The following FNIP2 variants were observed in gnomAD, a reference collection of about 807,000 sequenced individuals.
The protein encoded by FNIP2 is folliculin interacting protein 2, also known as folliculin-interacting protein 2.
In FNIP2, 32 loss-of-function variants were observed where a neutral mutation model predicts 108.7. That is an observed-to-expected ratio of 0.29 (90% CI 0.22 to 0.40). The LOEUF is 0.40. Ranked by LOEUF, FNIP2 falls within the 10% of genes least tolerant of loss-of-function variation. The probability of loss-of-function intolerance (pLI) is 1.00; values close to 1 mark genes in which losing one functional copy is unlikely to be tolerated. For synonymous variants in FNIP2, 480 were observed against 496.7 expected, an observed-to-expected ratio of 0.97 and a Z score of 0.45; for missense variants, 1,202 against 1,381.6, an observed-to-expected ratio of 0.87 and a Z score of 2.06.
Position 158,859,213 on chromosome 4 carries a change from CCT to C in FNIP2, c.1015_1016del (p.Leu339ValfsTer2). ...FQDFFFSHFPLFESHMNRLKS... is the reference protein window; with the variant it reads ...FQDFFFSHFPXFESHMNRLKS... Reference sequence around the variant, plus strand: ...AGGACTTCTTCTTTTCTCATTTTCCCCTGTTTGAATCTCACATGAACAGGCTG... The same window carrying C: ...AGGACTTCTTCTTTTCTCATTTTCCCGTTTGAATCTCACATGAACAGGCTG... On this transcript the variant is annotated frameshift_variant, in exon 9 of 17. Coordinates refer to ENST00000264433, the MANE Select transcript of FNIP2 (RefSeq NM_020840.3). LOFTEE classifies it high-confidence loss of function. 6.2e-7 allele frequency: 1 copy of C among 1,612,102 alleles called. No individual in the cohort carries two copies. The highest frequency in any genetic ancestry group is 8.5e-7 in the Non-Finnish European group (1 of 1,178,938).
chr4:158,773,705 T>G (rs772993149), intron 1 of FNIP2, among the ~76,000 whole-genome samples: 2 of 152,210 alleles, frequency 1.3e-5, no homozygotes, highest in Non-Finnish European at 2.9e-5. Context: ...CAGTGCTGAA[T>G]TGAACTGTTT....
intron 14 of FNIP2, among the ~76,000 whole-genome samples, chr4:158,881,713 G>C (rs1230698791): frequency 6.6e-6 from 1 of 151,700 alleles, no homozygotes; most frequent in African/African-American, 2.4e-5. Flanking sequence ...TCGGCCTCCC[G>C]AGGTGCTGGG....
intron 1 of FNIP2, among the ~76,000 whole-genome samples, chr4:158,781,758 C>A (rs576687250): frequency 1.6e-3 from 248 of 152,276 alleles, no homozygotes; most frequent in African/African-American, 5.5e-3. Flanking sequence ...TTCAAGTGAT[C>A]CGCCTGTCTT....
rs375671810 is a variant in FNIP2, at chr4:158,868,322, G to A, written c.1686G>A (p.Val562=). ...KIITALEKGE[V]EESEYVVITV... is the part of the protein sequence containing the mutation. ...TAACAGCCTTGGAGAAAGGAGAGGT[G>A]GAGGAGTCTGAGTATGTGGTCATTA... Residue 562 remains valine (V), a synonymous_variant, in exon 13 of 17, where the codon GTG becomes GTA. Coordinates refer to ENST00000264433, the MANE Select transcript of FNIP2 (RefSeq NM_020840.3). The surrounding 1 kb of genome is among the most constrained non-coding windows in gnomAD (Gnocchi z 4.6). 3.7e-6 allele frequency: 6 copies of A among 1,613,936 alleles called. No homozygotes were observed. The highest frequency in any genetic ancestry group is 1.7e-5 in the Admixed American group (1 of 60,012).
intron 14 of FNIP2, chr4:158,872,778 A>G (rs1781035379): frequency 1.0e-6 from 1 of 967,538 alleles, no homozygotes; most frequent in Non-Finnish European, 1.2e-6. Context: ...TTCAACATCC[A>G]TTTACAAACA....
intron 14 of FNIP2, among the ~76,000 whole-genome samples, chr4:158,878,715 A>C (rs540844516): frequency 6.6e-6 from 1 of 152,318 alleles, no homozygotes; most frequent in African/African-American, 2.4e-5. Context: ...GTGGAGGGCA[A>C]GCGCATACAA....
In FNIP2 at chr4:158,871,690, C is replaced by G. The variant is rs1020809284; in HGVS notation, c.2949+1221C>G. Reference sequence around the variant, plus strand: ...CCCTGCTTTGTGGTCACATGCCACCCCTCACCAGGATACTCCTGGGATGAA... The same window carrying G: ...CCCTGCTTTGTGGTCACATGCCACCGCTCACCAGGATACTCCTGGGATGAA... On this transcript the variant is annotated intron_variant, in intron 14 of 16. Transcript: ENST00000264433. 5 of 985,262 alleles carry G rather than the reference C, an allele frequency of 5.1e-6. No homozygotes were observed. In the African/African-American group the frequency reaches 8.7e-5, roughly 17 times the overall value. The allele number at this position is 985,262 out of a possible 1,614,324, so 61.0% of individuals were successfully genotyped here.
intron 6 of FNIP2, chr4:158,834,679 T>G (rs1195608664): frequency 6.6e-6 from 1 of 152,204 alleles, no homozygotes; most frequent in Non-Finnish European, 1.5e-5. Flanking sequence ...GCTTGTCCAT[T>G]TAAAACTTCA....
intron 13 of FNIP2, 53 bp downstream of exon 13, chr4:158,869,481 C>T: frequency 6.7e-7 from 1 of 1,500,224 alleles, no homozygotes; most frequent in Non-Finnish European, 8.8e-7. Context: ...TCCCACTTTC[C>T]TGGCCTGACA....
At chr4:158,781,034 CAAAA>C (rs70962632) in intron 1 of FNIP2, among the ~76,000 whole-genome samples, 3 of 130,514 alleles carry the variant, frequency 2.3e-5, no homozygotes. Flanking sequence ...GAGTCCTTCT[CAAAA>C]AAAAAAAAAA....
At chr4:158,791,118 G>A (rs1327964801) in intron 1 of FNIP2, among the ~76,000 whole-genome samples, 1 of 151,792 alleles carries the variant, frequency 6.6e-6, no homozygotes, top group South Asian at 2.1e-4. Flanking sequence ...AGCAATAAAC[G>A]AGAAGGTGGA....
At position 158,829,076 on chromosome 4, in the gene FNIP2, T is replaced by A. The variant is rs1243434061; in HGVS notation, c.235-3T>A. ...TTTACCTTGCCTGTCTCTCTTAACC[T>A]AGAAAACAGAGGATGTTCCTATTAA... is the stretch of plus-strand genomic sequence containing the variant. On this transcript the variant is annotated splice_polypyrimidine_tract_variant and splice_region_variant and intron_variant, in intron 2 of 16. Transcript: ENST00000264433. 3 of 1,602,458 alleles carry A rather than the reference T, an allele frequency of 1.9e-6. No homozygotes were observed. Among genetic ancestry groups the A allele is most frequent in the African/African-American group, 2.7e-5 (2 of 74,672 alleles).
At position 158,868,589 on chromosome 4, in the gene FNIP2, T is replaced by C. The variant is rs757310732; in HGVS notation, c.1953T>C (p.Asp651=). Residue 651 remains aspartate (D), a synonymous_variant, in exon 13 of 17, where the codon GAT becomes GAC. Transcript: ENST00000264433. The surrounding 1 kb of genome is among the most constrained non-coding windows in gnomAD (Gnocchi z 4.6). The stretch of plus-strand genomic sequence containing the variant: ...AACCTCAGAATGCATTTTGTGGGGA[T>C]GAGAAAAATAAAGAGGCACCGCAAG... The part of the protein sequence containing the change: ...SWKPQNAFCG[D]EKNKEAPQDG... The C allele has an allele frequency of 1.2e-6, 2 of 1,613,454 alleles. No individual in the cohort carries two copies. Among genetic ancestry groups the C allele is most frequent in the Admixed American group, 1.7e-5 (1 of 59,910 alleles).
intron 16 of FNIP2, among the ~76,000 whole-genome samples, chr4:158,903,705 A>C (rs1161110878): frequency 6.6e-6 from 1 of 152,180 alleles, no homozygotes; most frequent in Non-Finnish European, 1.5e-5. Flanking sequence ...CTGGAGAAGG[A>C]CTAGAAAACC....
chr4:158,871,946 A>G, intron 14 of FNIP2: 1 of 984,938 alleles, frequency 1.0e-6, no homozygotes, highest in Non-Finnish European at 1.2e-6. Flanking sequence ...CTATAACATT[A>G]AGGCACCTTT....
Position 158,868,434 on chromosome 4 carries a change from G to C in FNIP2, c.1798G>C (p.Glu600Gln). 2 of 1,614,002 alleles carry C rather than the reference G, an allele frequency of 1.2e-6. No individual in the cohort carries two copies. The highest frequency in any genetic ancestry group is 1.7e-6 in the Non-Finnish European group (2 of 1,179,880). The change falls in exon 13 of 17, where the codon GAG becomes CAG. Residue 600 changes from glutamate (E) to glutamine (Q), a missense_variant. Transcript: ENST00000264433. This position sits in a 1 kb window ranked among gnomAD's most constrained non-coding sequence, Gnocchi z 4.6. Reference sequence around the variant, plus strand: ...CAACCCCTGGCCGACAGGGTTTCCTGAGTGCCCAGAGGGCACTGACAGTAG... The same window carrying C: ...CAACCCCTGGCCGACAGGGTTTCCTCAGTGCCCAGAGGGCACTGACAGTAG... Reference protein sequence around the residue: ...RHNPWPTGFPECPEGTDSRDL... With the variant: ...RHNPWPTGFPQCPEGTDSRDL...
intron 12 of FNIP2, among the ~76,000 whole-genome samples, chr4:158,866,999 C>G (rs1780620634): frequency 6.6e-6 from 1 of 152,170 alleles, no homozygotes; most frequent in Non-Finnish European, 1.5e-5. Context: ...ATCAAATTAT[C>G]AAATGCAGTA....
intron 7 of FNIP2, among the ~76,000 whole-genome samples, chr4:158,841,318 G>A (rs1173003219): frequency 1.3e-5 from 2 of 152,116 alleles, no homozygotes; most frequent in East Asian, 3.9e-4. Flanking sequence ...GTGAGCACCT[G>A]GGCTTTCCTC....
chr4:158,893,672 A>G, intron 15 of FNIP2: 1 of 1,580,858 alleles, frequency 6.3e-7, no homozygotes, highest in Non-Finnish European at 8.6e-7. Flanking sequence ...TTCTCCTTCT[A>G]AAAGCAGGTT....
Sources: gnomAD v4.1 joint callset for allele counts (sites outside exome capture counted in the v4.1 genomes callset) on GRCh38, gnomAD v4.1.1 for gene constraint, Gnocchi (gnomAD v3.1) non-coding constraint, MANE v1.5 for transcripts, NCBI Gene and HGNC (gene_info 2026-07-23, HGNC 2026-07-21) for gene names.